Variants in GNA15 observed in about 807,000 individuals in gnomAD.
GNA15 encodes the protein guanine nucleotide-binding protein subunit alpha-15.
A neutral mutation model predicts 40.1 loss-of-function variants in GNA15; 23 were observed. The observed-to-expected ratio is 0.57, with a 90% CI of 0.41 to 0.81. GNA15 has a LOEUF of 0.81. GNA15 is among the 40% of genes least tolerant of loss of function. The probability of loss-of-function intolerance (pLI) is 0.00; values close to 1 mark genes in which losing one functional copy is unlikely to be tolerated. For synonymous variants in GNA15, 226 were observed against 210.4 expected (o/e 1.07, Z -0.64); for missense variants, 522 against 515.8 (o/e 1.01, Z -0.12).
intron 1 of GNA15, among the ~76,000 whole-genome samples, chr19:3,145,359 A>ATATATATATACAT: frequency 4.3e-5 from 2 of 46,972 alleles, no homozygotes; most frequent in African/African-American, 1.8e-4. Flanking sequence ...ATATATATAT[A>ATATATATATACAT]TTTTTTTTTT....
rs1017132181 is a variant in GNA15, at chr19:3,162,816, G to A, written c.922G>A (p.Ala308Thr). The change falls in exon 7 of 7, where the codon GCC becomes ACC. Residue 308 changes from alanine (A) to threonine (T), a missense_variant. Transcript: ENST00000262958. ...AGGCCCTAAGCAGGATGCTGAGGCAGCCAAGAGGTTCATCCTGGACATGTA... is the reference window on the plus strand; with the variant it reads ...AGGCCCTAAGCAGGATGCTGAGGCAACCAAGAGGTTCATCCTGGACATGTA... The part of the protein sequence containing the change: ...FQGPKQDAEA[A>T]KRFILDMYTR... 1 of 1,613,840 alleles carries A rather than the reference G, an allele frequency of 6.2e-7. No homozygotes were observed. The highest frequency in any genetic ancestry group is 1.3e-5 in the African/African-American group (1 of 75,036).
intron 1 of GNA15, among the ~76,000 whole-genome samples, chr19:3,139,121 T>A (rs1213515463): frequency 4.0e-5 from 6 of 151,168 alleles, no homozygotes; most frequent in Middle Eastern, 6.9e-3. Flanking sequence ...AATTTTTGTA[T>A]TTTTAGTAGA....
chr19:3,162,447 T>C (rs931929812), intron 6 of GNA15, among the ~76,000 whole-genome samples: 1 of 151,864 alleles, frequency 6.6e-6, no homozygotes, highest in Non-Finnish European at 1.5e-5. Context: ...ATCTTCACAG[T>C]CCTGGGATAT....
At position 3,155,997 on chromosome 19, in the gene GNA15, A is replaced by G. The variant is rs748892324; in HGVS notation, c.744+45A>G. 1 of 1,589,232 alleles carries G rather than the reference A, an allele frequency of 6.3e-7. No individual in the cohort carries two copies. Among genetic ancestry groups the G allele is most frequent in the Admixed American group, 1.7e-5 (1 of 59,014 alleles). On this transcript the variant is annotated intron_variant, in intron 5 of 6. Coordinates refer to ENST00000262958, the MANE Select transcript of GNA15 (RefSeq NM_002068.4). This position sits in a 1 kb window ranked among gnomAD's most constrained non-coding sequence, Gnocchi z 5.6. ...GCCCTGCCCACTTGTTGGCCCAGGGACCCTCACCTGAGCAGGAAGCTCTGG... is the reference window on the plus strand; with the variant it reads ...GCCCTGCCCACTTGTTGGCCCAGGGGCCCTCACCTGAGCAGGAAGCTCTGG...
At position 3,136,307 on chromosome 19, in the gene GNA15, G is replaced by T. The variant is rs1364302565; in HGVS notation, c.-144G>T. 3.9e-6 allele frequency: 3 copies of T among 776,508 alleles called. No homozygotes were observed. The highest frequency in any genetic ancestry group is 3.7e-5 in the South Asian group (2 of 53,434). The allele number at this position is 776,508 out of a possible 1,614,324, so 48.1% of individuals were successfully genotyped here. The stretch of plus-strand genomic sequence containing the variant: ...TTCAGGCAAGGAAGTCTAGGTCCCT[G>T]GGGGGTGACCCCCAAGGAAAAGGCA... On this transcript the variant is annotated 5_prime_UTR_variant, in exon 1 of 7. Coordinates refer to ENST00000262958, the MANE Select transcript of GNA15 (RefSeq NM_002068.4). This position sits in a 1 kb window ranked among gnomAD's most constrained non-coding sequence, Gnocchi z 4.9.
chr19:3,145,274 A>G (rs533513383), intron 1 of GNA15, among the ~76,000 whole-genome samples: 69 of 144,562 alleles, frequency 4.8e-4, no homozygotes, highest in African/African-American at 1.7e-3. Context: ...GGCTCAAATG[A>G]TCCTCCTACC....
rs1370310444 is a variant in GNA15 at position 3,162,776 on chromosome 19, C to T, written c.899-17C>T. On this transcript the variant is annotated splice_polypyrimidine_tract_variant and intron_variant, in intron 6 of 6. Transcript: ENST00000262958. ...AAGAGGGAGGGTCCTCACCCCCTTC[C>T]CACACTGTTTCCCCAGGCCCTAAGC... 9.4e-6 allele frequency: 15 copies of T among 1,590,338 alleles called. No individual in the cohort carries two copies. The highest frequency in any genetic ancestry group is 3.3e-4 in the Middle Eastern group (2 of 6,048).
At chr19:3,159,857 C>A (rs1915106485) in intron 6 of GNA15, among the ~76,000 whole-genome samples, 1 of 152,206 alleles carries the variant, frequency 6.6e-6, no homozygotes, top group Admixed American at 6.5e-5. Context: ...GGCCACAGGG[C>A]AACTACAGAG....
intron 6 of GNA15, among the ~76,000 whole-genome samples, chr19:3,159,180 A>T (rs897314182): frequency 2.0e-5 from 3 of 150,598 alleles, no homozygotes; most frequent in African/African-American, 7.3e-5. Context: ...GCCCGCCAGA[A>T]CGTCTGGCTA....
Position 3,148,730 on chromosome 19 carries a change from G to A in GNA15, c.285G>A (p.Glu95=). Residue 95 remains glutamate (E), a synonymous_variant, in exon 2 of 7, where the codon GAG becomes GAA. Coordinates refer to ENST00000262958, the MANE Select transcript of GNA15 (RefSeq NM_002068.4). ...TCGTGTCCATGCGGGCCATGATCGAGGCCATGGAGCGGCTGCAGATTCCAT... is the reference window on the plus strand; with the variant it reads ...TCGTGTCCATGCGGGCCATGATCGAAGCCATGGAGCGGCTGCAGATTCCAT... ...NIFVSMRAMI[E]AMERLQIPFS... The A allele has an allele frequency of 6.2e-7, 1 of 1,604,138 alleles. No individual in the cohort carries two copies. The highest frequency in any genetic ancestry group is 1.3e-5 in the African/African-American group (1 of 74,892).
intron 6 of GNA15, among the ~76,000 whole-genome samples, chr19:3,159,341 C>G (rs913737043): frequency 9.6e-4 from 107 of 111,752 alleles, no homozygotes; most frequent in African/African-American, 4.0e-3. Context: ...TCTTTAATTT[C>G]TTTTCTTTTT....
chr19:3,153,842 AGGAT>A (rs1914939364), intron 4 of GNA15, among the ~76,000 whole-genome samples: 1 of 143,548 alleles, frequency 7.0e-6, no homozygotes. Flanking sequence ...GGGTGAGTGA[AGGAT>A]GGATGGATGA....
At chr19:3,153,846 T>C in intron 4 of GNA15, among the ~76,000 whole-genome samples, 1 of 148,042 alleles carries the variant, frequency 6.8e-6, no homozygotes, top group East Asian at 2.1e-4. Context: ...GAGTGAAGGA[T>C]GGATGGATGA....
chr19:3,160,310 C>T (rs1233753625), intron 6 of GNA15, among the ~76,000 whole-genome samples: 1 of 152,140 alleles, frequency 6.6e-6, no homozygotes, highest in East Asian at 1.9e-4. Flanking sequence ...CCCCTTTCTC[C>T]TAGTCTGTCT....
intron 4 of GNA15, among the ~76,000 whole-genome samples, chr19:3,154,751 G>A (rs569585930): frequency 3.3e-5 from 5 of 151,802 alleles, no homozygotes; most frequent in East Asian, 1.9e-4. Context: ...GGGTGGATGG[G>A]TGGATGGATG....
chr19:3,155,629 A>G lies in GNA15; in HGVS notation c.615-194A>G, dbSNP rs1450164557. Among the ~76,000 whole-genome samples the G allele has an allele frequency of 6.6e-6, 1 of 152,110 alleles. No homozygotes were observed. The highest frequency in any genetic ancestry group is 1.5e-5 in the Non-Finnish European group (1 of 68,008). On this transcript the variant is annotated intron_variant, in intron 4 of 6. Transcript: ENST00000262958. The surrounding 1 kb of genome is among the most constrained non-coding windows in gnomAD (Gnocchi z 5.6). Reference sequence around the variant, plus strand: ...AAGTCCCCGCTCCTCCCTGGATCTCAGGCTTCTCATCTGTAAAATGGGCGT... The same window carrying G: ...AAGTCCCCGCTCCTCCCTGGATCTCGGGCTTCTCATCTGTAAAATGGGCGT...
chr19:3,136,385 G>A lies in GNA15; in HGVS notation c.-66G>A. ...GCCCTCTCCAGGGCCGGCTGGGCTG[G>A]GGGTTGCCCTGGCCAGCAGGGGCCC... On this transcript the variant is annotated 5_prime_UTR_variant, in exon 1 of 7. Coordinates refer to ENST00000262958, the MANE Select transcript of GNA15 (RefSeq NM_002068.4). The surrounding 1 kb of genome is among the most constrained non-coding windows in gnomAD (Gnocchi z 4.9). 2 of 1,494,334 alleles carry A rather than the reference G, an allele frequency of 1.3e-6. No homozygotes were observed. The highest frequency in any genetic ancestry group is 1.8e-6 in the Non-Finnish European group (2 of 1,115,352). The allele number at this position is 1,494,334 out of a possible 1,614,324, so 92.6% of individuals were successfully genotyped here. A position where few individuals can be genotyped will look rare whatever the true frequency, so the allele number is the denominator to read the frequency against.
rs190582875 is a variant in GNA15 at position 3,160,004 on chromosome 19, G to A, written c.898+2123G>A. Among the ~76,000 whole-genome samples, 206 of 152,334 alleles carry A rather than the reference G, an allele frequency of 1.4e-3. 1 individual carries two copies. Among genetic ancestry groups the A allele is most frequent in the African/African-American group, 4.8e-3 (198 of 41,570 alleles). On this transcript the variant is annotated intron_variant, in intron 6 of 6. Coordinates refer to ENST00000262958, the MANE Select transcript of GNA15 (RefSeq NM_002068.4). ...CAGAACACCACTGTGAGGATAAAGT[G>A]TGGTGGCGGGTGTCCTGCTTAGCTA...
Position 3,155,952 on chromosome 19 carries a change from G to A in GNA15, c.744G>A (p.Glu248=). Residue 248 remains glutamate, a splice_region_variant and synonymous_variant, in exon 5 of 7, where the codon GAG becomes GAA. Coordinates refer to ENST00000262958, the MANE Select transcript of GNA15 (RefSeq NM_002068.4). This position sits in a 1 kb window ranked among gnomAD's most constrained non-coding sequence, Gnocchi z 5.6. The part of the protein sequence containing the change: ...YDQCLEENNQ[E]NRMKESLALF... Reference sequence around the variant, plus strand: ...AGTGCCTGGAGGAGAACAACCAGGAGGTGCGCCACCGCCTCCCTCGCCCTG... The same window carrying A: ...AGTGCCTGGAGGAGAACAACCAGGAAGTGCGCCACCGCCTCCCTCGCCCTG... The A allele has an allele frequency of 6.2e-7, 1 of 1,613,624 alleles. No individual in the cohort carries two copies. Among genetic ancestry groups the A allele is most frequent in the Non-Finnish European group, 8.5e-7 (1 of 1,179,672 alleles).
Sources: gnomAD v4.1 joint callset for allele counts (sites outside exome capture counted in the v4.1 genomes callset) on GRCh38, gnomAD v4.1.1 for gene constraint, Gnocchi (gnomAD v3.1) non-coding constraint, MANE v1.5 for transcripts, NCBI Gene and HGNC (gene_info 2026-07-23, HGNC 2026-07-21) for gene names.